Variants in ZMYM4 observed in about 807,000 individuals in gnomAD.
ZMYM4 encodes zinc finger MYM-type containing 4.
ZMYM4 carries 31 observed loss-of-function variants against 183.2 expected under a neutral mutation model. The observed-to-expected ratio is 0.17, with a 90% CI of 0.13 to 0.23. ZMYM4 has a LOEUF of 0.23. Among genes scored for constraint, ZMYM4 ranks in the 10% least tolerant of loss-of-function variants. ZMYM4 has a pLI of 1.00. For missense variants in ZMYM4, 1,273 were observed against 1,840.3 expected (o/e 0.69, Z 5.64); for synonymous variants, 592 against 631.2 (o/e 0.94, Z 0.93).
chr1:35,327,193 A>T (rs1298146621), intron 2 of ZMYM4, among the ~76,000 whole-genome samples: 1 of 152,200 alleles, frequency 6.6e-6, no homozygotes, highest in Non-Finnish European at 1.5e-5. Flanking sequence ...CAGCAAAATA[A>T]CATTGAATGA....
At chr1:35,303,372 A>T (rs914940342) in intron 1 of ZMYM4, among the ~76,000 whole-genome samples, 1 of 150,638 alleles carries the variant, frequency 6.6e-6, no homozygotes, top group Non-Finnish European at 1.5e-5. Context: ...TGTAGTGGTG[A>T]TCTCTCTTTC....
At chr1:35,388,724 C>G (rs1644636365) in intron 13 of ZMYM4, among the ~76,000 whole-genome samples, 186 bp from the exon 14 acceptor site, 1 of 151,446 alleles carries the variant, frequency 6.6e-6, no homozygotes, top group Non-Finnish European at 1.5e-5. Context: ...TTTTATTTGA[C>G]ATGGGGTCTT....
At chr1:35,382,702 C>A (rs146172957) in intron 9 of ZMYM4, among the ~76,000 whole-genome samples, 21 of 152,234 alleles carry the variant, frequency 1.4e-4, no homozygotes, top group East Asian at 1.2e-3. Flanking sequence ...GCCTCGGCCT[C>A]CCAATCCCTG....
rs200366808 is a variant in ZMYM4, at chr1:35,381,369, C to G, written c.1292C>G (p.Pro431Arg). ...TCAACATATGAACTGAAAAAAAAACCTATTGTTACCATAAATACAAATAGT... is the reference window on the plus strand; with the variant it reads ...TCAACATATGAACTGAAAAAAAAACGTATTGTTACCATAAATACAAATAGT... ...CLSTYELKKK[P>R]IVTINTNSIS... Residue 431 changes from proline to arginine, a missense_variant, in exon 8 of 30, where the codon CCT (proline) becomes CGT (arginine). This residue lies in a region of ZMYM4 where 319 missense variants were observed against 518.1 expected (regional missense o/e 0.62). Coordinates refer to ENST00000314607, the MANE Select transcript of ZMYM4 (RefSeq NM_005095.3). 2.5e-6 allele frequency: 4 copies of G among 1,612,462 alleles called. No homozygotes were observed. The highest frequency in any genetic ancestry group is 3.4e-5 in the Admixed American group (2 of 59,668).
chr1:35,350,751 G>A, intron 2 of ZMYM4: 1 of 453,620 alleles, frequency 2.2e-6, no homozygotes, highest in Non-Finnish European at 4.1e-6. Flanking sequence ...TTAAGAATAA[G>A]GCCTGCTTTA....
intron 2 of ZMYM4, among the ~76,000 whole-genome samples, chr1:35,344,294 T>G (rs2148867466): frequency 6.6e-6 from 1 of 152,214 alleles, no homozygotes; most frequent in East Asian, 1.9e-4. Context: ...CCTCAAGTGA[T>G]CCACCTGCCT....
chr1:35,299,294 TTCTTGGCG>T (rs1391947992), intron 1 of ZMYM4, among the ~76,000 whole-genome samples: 1 of 152,198 alleles, frequency 6.6e-6, no homozygotes, highest in Non-Finnish European at 1.5e-5. Flanking sequence ...GGTGTTCAGG[TTCTTGGCG>T]TCTTGAACAA....
intron 1 of ZMYM4, among the ~76,000 whole-genome samples, chr1:35,314,795 C>T (rs868534079): frequency 3.4e-5 from 5 of 145,168 alleles, no homozygotes; most frequent in East Asian, 2.2e-4. Context: ...GAGGCTGAGG[C>T]GGGCGTATCA....
intron 2 of ZMYM4, among the ~76,000 whole-genome samples, chr1:35,355,756 C>T (rs1309820173): frequency 2.0e-5 from 3 of 151,860 alleles, no homozygotes; most frequent in African/African-American, 7.3e-5. Context: ...AAAAATAATT[C>T]TTCCATAGTT....
At chr1:35,400,529 A>G (rs1644889578) in intron 23 of ZMYM4, among the ~76,000 whole-genome samples, 1 of 152,084 alleles carries the variant, frequency 6.6e-6, no homozygotes, top group Non-Finnish European at 1.5e-5. Context: ...ATAGTATAGT[A>G]AAATAGTGAA....
Position 35,352,383 on chromosome 1 carries a change from A to AGCGC in ZMYM4, c.86-6541_86-6538dup, listed in dbSNP as rs570675693. Among the ~76,000 whole-genome samples, 322 of 104,694 alleles carry AGCGC rather than the reference A, an allele frequency of 3.1e-3. 2 individuals are homozygous for AGCGC. The highest frequency in any genetic ancestry group is 0.015 in the African/African-American group (282 of 18,576). 68.7% of individuals were successfully genotyped at this position (104,694 alleles called of 152,430 possible). The stretch of plus-strand genomic sequence containing the variant: ...TGTCTCTACTAATAATTTAAAAATT[A>AGCGC]GCGCACACACACACACACACACACA... On this transcript the variant is annotated intron_variant, in intron 2 of 29. Transcript: ENST00000314607.
In ZMYM4 at chr1:35,396,991, A is replaced by G. The variant is rs561294012; in HGVS notation, c.3030+321A>G. On this transcript the variant is annotated intron_variant, in intron 19 of 29. Transcript: ENST00000314607. Reference sequence around the variant, plus strand: ...GGGTGAAAAGAGTACTGTGATTTATATAATTCTCATTTTTGATTAAAGAAA... The same window carrying G: ...GGGTGAAAAGAGTACTGTGATTTATGTAATTCTCATTTTTGATTAAAGAAA... The G allele has an allele frequency of 3.8e-6, 3 of 782,506 alleles. No individual in the cohort carries two copies. In the African/African-American group the frequency reaches 5.5e-5, roughly 14 times the overall value. The allele number at this position is 782,506 out of a possible 1,614,324, so 48.5% of individuals were successfully genotyped here.
At chr1:35,324,350 G>A (rs1642419321) in intron 1 of ZMYM4, among the ~76,000 whole-genome samples, 1 of 152,136 alleles carries the variant, frequency 6.6e-6, no homozygotes, top group Non-Finnish European at 1.5e-5. Context: ...GCCCACCTCA[G>A]CCTCCCAAAG....
chr1:35,316,350 G>A (rs1557985448), intron 1 of ZMYM4, among the ~76,000 whole-genome samples: 2 of 152,170 alleles, frequency 1.3e-5, no homozygotes, highest in Non-Finnish European at 2.9e-5. Context: ...GTTCTGATAT[G>A]CTTGAATTTC....
rs749142852 is a variant in ZMYM4 at position 35,415,635 on chromosome 1, G to A, written c.4230G>A (p.Arg1410=). 27 of 1,613,996 alleles carry A rather than the reference G, an allele frequency of 1.7e-5. No individual in the cohort carries two copies. Among genetic ancestry groups the A allele is most frequent in the Non-Finnish European group, 2.2e-5 (26 of 1,180,038 alleles). Residue 1410 remains arginine, a synonymous_variant, in exon 28 of 30, where the codon CGG becomes CGA. Transcript: ENST00000314607. ...TTTCCTTTGCCCATGTGATGAGACG[G>A]ACCAGGACTCTGAAGTACAGTACCA... is the stretch of plus-strand genomic sequence containing the variant. The part of the protein sequence containing the change: ...LKLSFAHVMR[R]TRTLKYSTKM...
At chr1:35,322,792 C>A (rs769896464) in intron 1 of ZMYM4, among the ~76,000 whole-genome samples, 1 of 151,602 alleles carries the variant, frequency 6.6e-6, no homozygotes, top group Non-Finnish European at 1.5e-5. Context: ...CAGGTTCAAG[C>A]GATTCTCCTG....
At chr1:35,328,256 G>A (rs932132152) in intron 2 of ZMYM4, among the ~76,000 whole-genome samples, 1 of 151,850 alleles carries the variant, frequency 6.6e-6, no homozygotes, top group African/African-American at 2.4e-5. Flanking sequence ...TTAGGCTCTC[G>A]ATTTACAAGC....
In ZMYM4 at chr1:35,421,070, C is replaced by T. The variant is rs1421411785; in HGVS notation, c.*1393C>T. 1 of 152,354 alleles carries T rather than the reference C, an allele frequency of 6.6e-6. No individual in the cohort carries two copies. The highest frequency in any genetic ancestry group is 1.5e-5 in the Non-Finnish European group (1 of 68,034). 9.4% of individuals were successfully genotyped at this position (152,354 alleles called of 1,614,324 possible). On this transcript the variant is annotated 3_prime_UTR_variant, in exon 30 of 30. Transcript: ENST00000314607. ...TTCTTCAGCTAAGGTTAATTTGACGCTATGATAAAACTGAGAGATGTCAAA... is the reference window on the plus strand; with the variant it reads ...TTCTTCAGCTAAGGTTAATTTGACGTTATGATAAAACTGAGAGATGTCAAA...
At position 35,408,166 on chromosome 1, in the gene ZMYM4, A is replaced by G. The variant is rs1229483680; in HGVS notation, c.3948+7A>G. ...GTGCCTTGGAATTCAACAGGTATCA[A>G]GTTAAACATATGGATTCTTCAACCT... is the stretch of plus-strand genomic sequence containing the variant. On this transcript the variant is annotated splice_region_variant and intron_variant, in intron 26 of 29. Coordinates refer to ENST00000314607, the MANE Select transcript of ZMYM4 (RefSeq NM_005095.3). The G allele has an allele frequency of 3.1e-6, 5 of 1,614,066 alleles. No homozygotes were observed. Among genetic ancestry groups the G allele is most frequent in the Non-Finnish European group, 4.2e-6 (5 of 1,179,938 alleles).
Sources: gnomAD v4.1 joint callset for allele counts (sites outside exome capture counted in the v4.1 genomes callset) on GRCh38, gnomAD v4.1.1 for gene constraint, gnomAD v4.1.1 regional missense constraint, MANE v1.5 for transcripts, NCBI Gene and HGNC (gene_info 2026-07-23, HGNC 2026-07-21) for gene names.